The following MAP2K5 variants were observed in gnomAD, a reference collection of about 807,000 sequenced individuals.
The protein encoded by MAP2K5 is dual specificity mitogen-activated protein kinase kinase 5.
In MAP2K5, 49 loss-of-function variants were observed where a neutral mutation model predicts 83.1. That is an observed-to-expected ratio of 0.59 (90% CI 0.47 to 0.75). The LOEUF (loss-of-function observed/expected upper bound fraction) is 0.75. Among genes scored for constraint, MAP2K5 ranks in the 30% least tolerant of loss-of-function variants. MAP2K5 has a pLI of 0.00. For synonymous variants in MAP2K5, 202 were observed against 191.8 expected, an observed-to-expected ratio of 1.05 and a Z score of -0.44; for missense variants, 457 against 557.5, an observed-to-expected ratio of 0.82 and a Z score of 1.82.
intron 8 of MAP2K5, among the ~76,000 whole-genome samples, chr15:67,625,565 G>A (rs1016948896): frequency 6.6e-6 from 1 of 152,178 alleles, no homozygotes; most frequent in African/African-American, 2.4e-5. Context: ...CAATTAATGT[G>A]TTGAGGAAGG....
intron 16 of MAP2K5, among the ~76,000 whole-genome samples, chr15:67,712,219 C>A (rs1427818473): frequency 6.6e-6 from 1 of 152,194 alleles, no homozygotes; most frequent in Non-Finnish European, 1.5e-5. Context: ...ACTTTTCAGG[C>A]AGGAGATAGC....
intron 11 of MAP2K5, among the ~76,000 whole-genome samples, chr15:67,654,166 C>G (rs1000919357): frequency 6.6e-5 from 10 of 151,562 alleles, no homozygotes; most frequent in Non-Finnish European, 1.3e-4. Flanking sequence ...TCTATTTCTC[C>G]TTTCAGTTCT....
chr15:67,633,634 C>A (rs1391848774), intron 9 of MAP2K5, among the ~76,000 whole-genome samples: 7 of 152,114 alleles, frequency 4.6e-5, no homozygotes, highest in Non-Finnish European at 1.0e-4. Context: ...GTTCACTAGA[C>A]CTGATCATTA....
chr15:67,619,834 G>A (rs1401994854), intron 8 of MAP2K5, among the ~76,000 whole-genome samples: 4 of 152,180 alleles, frequency 2.6e-5, no homozygotes, highest in African/African-American at 9.7e-5. Flanking sequence ...AGGAGGCTGA[G>A]GCAGGAGGAT....
At chr15:67,731,425 G>A (rs1180039865) in intron 17 of MAP2K5, among the ~76,000 whole-genome samples, 1 of 152,130 alleles carries the variant, frequency 6.6e-6, no homozygotes, top group Non-Finnish European at 1.5e-5. Context: ...TTTGTGGGTT[G>A]GGTCTTTGTT....
At chr15:67,800,097 C>T (rs1324899118) in intron 21 of MAP2K5, among the ~76,000 whole-genome samples, 1 of 152,156 alleles carries the variant, frequency 6.6e-6, no homozygotes, top group Non-Finnish European at 1.5e-5. Flanking sequence ...GATTTATTAT[C>T]TCATGTAATT....
At chr15:67,564,723 T>G (rs2084804541) in intron 3 of MAP2K5, among the ~76,000 whole-genome samples, 1 of 152,248 alleles carries the variant, frequency 6.6e-6, no homozygotes, top group Non-Finnish European at 1.5e-5. Context: ...CCACTGGTAT[T>G]GATAGATTGG....
chr15:67,574,567 A>G (rs1034105818), intron 3 of MAP2K5, among the ~76,000 whole-genome samples: 2 of 150,238 alleles, frequency 1.3e-5, no homozygotes, highest in African/African-American at 4.9e-5. Context: ...GCAAGACTCC[A>G]TCTCAAAAAA....
At chr15:67,596,417 A>G (rs2085528169) in intron 7 of MAP2K5, among the ~76,000 whole-genome samples, 1 of 152,196 alleles carries the variant, frequency 6.6e-6, no homozygotes, top group African/African-American at 2.4e-5. Context: ...CTGTCTCAAA[A>G]AAAACTCAAC....
At chr15:67,784,180 A>G (rs1244929891) in intron 21 of MAP2K5, among the ~76,000 whole-genome samples, 1 of 152,164 alleles carries the variant, frequency 6.6e-6, no homozygotes, top group East Asian at 1.9e-4. Flanking sequence ...TTCCCATTTT[A>G]CTGATGCATA....
intron 15 of MAP2K5, among the ~76,000 whole-genome samples, chr15:67,694,983 A>G (rs1485448827): frequency 6.6e-6 from 1 of 152,094 alleles, no homozygotes; most frequent in Non-Finnish European, 1.5e-5. Context: ...ATTGGAAATC[A>G]TCATTCTCAG....
intron 5 of MAP2K5, 54 bp from the exon 6 acceptor site, chr15:67,586,792 T>C: frequency 6.6e-7 from 1 of 1,526,086 alleles, no homozygotes; most frequent in Non-Finnish European, 9.1e-7. Flanking sequence ...ATAGGTTAAT[T>C]AGAACTGTGT....
chr15:67,613,451 T>A (rs903318669), intron 8 of MAP2K5, among the ~76,000 whole-genome samples: 9 of 152,208 alleles, frequency 5.9e-5, no homozygotes, highest in African/African-American at 2.2e-4. Context: ...ACCAGCTGTT[T>A]GGGATATATC....
In MAP2K5 at chr15:67,659,713, A is replaced by G. The variant is rs2087187866; in HGVS notation, c.798+1099A>G. On this transcript the variant is annotated intron_variant, in intron 12 of 21. Transcript: ENST00000178640. ...GTAAAGTTTAATAACATGTATAATA[A>G]AGGGCAAAAAAAGGCAAGGATACCA... 2.6e-5 allele frequency among the ~76,000 whole-genome samples: 4 copies of G among 152,246 alleles called. No individual in the cohort carries two copies. The South Asian group carries it at 6.2e-4, about 24-fold the overall frequency.
At chr15:67,581,529 T>G (rs2085179150) in intron 4 of MAP2K5, among the ~76,000 whole-genome samples, 1 of 152,218 alleles carries the variant, frequency 6.6e-6, no homozygotes, top group African/African-American at 2.4e-5. Flanking sequence ...CGTTATACAT[T>G]GCCCCACTTG....
chr15:67,580,713 C>A, intron 3 of MAP2K5, 41 bp from the exon 4 acceptor site: 2 of 1,224,674 alleles, frequency 1.6e-6, no homozygotes, highest in Non-Finnish European at 2.4e-6. Context: ...TTCCAGTATT[C>A]ATACATTACT....
Position 67,748,494 on chromosome 15 carries a change from A to AT in MAP2K5, c.1102-69dup, listed in dbSNP as rs766025936. 2.0e-4 allele frequency: 254 copies of AT among 1,300,116 alleles called. No homozygotes were observed. Among genetic ancestry groups the AT allele is most frequent in the Non-Finnish European group, 2.6e-4 (241 of 910,156 alleles). The allele number at this position is 1,300,116 out of a possible 1,614,324, so 80.5% of individuals were successfully genotyped here. Reference sequence around the variant, plus strand: ...CTTGCTATATTTTATTGCATTAATGATTTTTTCTTTCCACTCCACTGTAAA... The same window carrying AT: ...CTTGCTATATTTTATTGCATTAATGATTTTTTTCTTTCCACTCCACTGTAAA... On this transcript the variant is annotated intron_variant, in intron 18 of 21. Coordinates refer to ENST00000178640, the MANE Select transcript of MAP2K5 (RefSeq NM_145160.3). This position sits in a 1 kb window ranked among gnomAD's most constrained non-coding sequence, Gnocchi z 4.0.
chr15:67,683,688 C>T (rs1003071170), intron 13 of MAP2K5, among the ~76,000 whole-genome samples: 6 of 152,024 alleles, frequency 3.9e-5, no homozygotes, highest in African/African-American at 1.4e-4. Context: ...TGAACCTGGG[C>T]ATTGGAGGTG....
At chr15:67,595,987 T>G (rs967712656) in intron 7 of MAP2K5, among the ~76,000 whole-genome samples, 1 of 151,986 alleles carries the variant, frequency 6.6e-6, no homozygotes, top group East Asian at 1.9e-4. Flanking sequence ...TTTTTTTTTT[T>G]TTGTTTTTTA....
Sources: allele counts gnomAD v4.1 joint callset (sites outside exome capture counted in the v4.1 genomes callset), GRCh38; gene constraint gnomAD v4.1.1; non-coding constraint Gnocchi (gnomAD v3.1); transcripts MANE v1.5; gene names NCBI Gene and HGNC (gene_info 2026-07-23, HGNC 2026-07-21).